STAU2: variants seen among roughly 807,000 people sequenced by gnomAD.
STAU2 encodes the protein staufen double-stranded RNA binding protein 2, also known as double-stranded RNA-binding protein Staufen homolog 2.
A neutral mutation model predicts 65.9 loss-of-function variants in STAU2; 20 were observed. The observed-to-expected ratio is 0.30, with a 90% CI of 0.21 to 0.44. The LOEUF (loss-of-function observed/expected upper bound fraction) is 0.44. Among genes scored for constraint, STAU2 ranks in the 20% least tolerant of loss-of-function variants. STAU2 has a pLI of 1.00. For missense variants in STAU2, 558 were observed against 683.9 expected, an observed-to-expected ratio of 0.82 and a Z score of 2.05; for synonymous variants, 232 against 233.9, an observed-to-expected ratio of 0.99 and a Z score of 0.07.
chr8:73,506,627 G>C (rs1822083755), intron 13 of STAU2, among the ~76,000 whole-genome samples: 1 of 152,100 alleles, frequency 6.6e-6, no homozygotes, highest in South Asian at 2.1e-4. Flanking sequence ...GACTGATCAG[G>C]GTGGTGGTTG....
chr8:73,517,712 G>A (rs1201291513), intron 13 of STAU2, among the ~76,000 whole-genome samples: 1 of 151,708 alleles, frequency 6.6e-6, no homozygotes, highest in Non-Finnish European at 1.5e-5. Flanking sequence ...CATTAAAATA[G>A]CTGTTATTCA....
chr8:73,500,630 T>G (rs1821692479), intron 13 of STAU2, among the ~76,000 whole-genome samples: 1 of 151,904 alleles, frequency 6.6e-6, no homozygotes, highest in Non-Finnish European at 1.5e-5. Flanking sequence ...CTAGTTATAT[T>G]TTCGATTAGA....
chr8:73,734,103 T>C (rs1414586974), intron 3 of STAU2, among the ~76,000 whole-genome samples: 1 of 151,950 alleles, frequency 6.6e-6, no homozygotes, highest in East Asian at 1.9e-4. Context: ...AAAAGTAACA[T>C]ATATTCACAT....
chr8:73,535,275 T>C (rs1806105265), intron 13 of STAU2, among the ~76,000 whole-genome samples: 2 of 152,174 alleles, frequency 1.3e-5, no homozygotes, highest in African/African-American at 2.4e-5. Context: ...GTTCACGCCA[T>C]TCTCCTGCCT....
chr8:73,695,929 G>A (rs890461608), intron 4 of STAU2, among the ~76,000 whole-genome samples: 33 of 152,132 alleles, frequency 2.2e-4, no homozygotes, highest in Admixed American at 1.8e-3. Context: ...GGACACACCT[G>A]GAACCCAGGG....
chr8:73,466,742 G>C (rs981648199), intron 13 of STAU2, among the ~76,000 whole-genome samples: 2 of 152,172 alleles, frequency 1.3e-5, no homozygotes, highest in Non-Finnish European at 2.9e-5. Flanking sequence ...TTTGTGCTGT[G>C]GATATTTATG....
In STAU2 at chr8:73,442,935, C is replaced by T. The variant is rs77514507; in HGVS notation, c.1531-20233G>A. ...CTAAACTTCATTCTTGATGGTTCAT[C>T]GATTAAGGAAGCAAGATAGAAAGGA... On this transcript the variant is annotated intron_variant, in intron 13 of 14. Transcript: ENST00000524300. Among the ~76,000 whole-genome samples, 217 of 152,168 alleles carry T rather than the reference C, an allele frequency of 1.4e-3. 4 individuals carry two copies. The East Asian group carries it at 0.017, about 12-fold the overall frequency.
At chr8:73,737,839 G>C (rs1461193327) in intron 3 of STAU2, among the ~76,000 whole-genome samples, 1 of 151,606 alleles carries the variant, frequency 6.6e-6, no homozygotes, top group Non-Finnish European at 1.5e-5. Flanking sequence ...AGTATTAAAT[G>C]CTGTAGTTTA....
chr8:73,438,479 C>G (rs1428872125), intron 13 of STAU2, among the ~76,000 whole-genome samples: 1 of 152,216 alleles, frequency 6.6e-6, no homozygotes, highest in Non-Finnish European at 1.5e-5. Flanking sequence ...CGCAAAGCCA[C>G]TCAGATTGGC....
chr8:73,521,722 G>A (rs1823053261), intron 13 of STAU2, among the ~76,000 whole-genome samples: 1 of 152,196 alleles, frequency 6.6e-6, no homozygotes, highest in Non-Finnish European at 1.5e-5. Flanking sequence ...ACTTGATCAT[G>A]AGGAAAAACA....
intron 13 of STAU2, among the ~76,000 whole-genome samples, chr8:73,475,086 G>A (rs770554070): frequency 2.6e-5 from 4 of 152,132 alleles, no homozygotes; most frequent in Non-Finnish European, 5.9e-5. Flanking sequence ...ATGTTGTTGG[G>A]AGACAGAACA....
At chr8:73,521,043 T>C (rs755086858) in intron 13 of STAU2, among the ~76,000 whole-genome samples, 1 of 152,192 alleles carries the variant, frequency 6.6e-6, no homozygotes, top group Non-Finnish European at 1.5e-5. Context: ...AAAAGCTCTG[T>C]ACATAGTCTA....
At chr8:73,480,583 T>C (rs757330868) in intron 13 of STAU2, among the ~76,000 whole-genome samples, 1 of 152,134 alleles carries the variant, frequency 6.6e-6, no homozygotes, top group African/African-American at 2.4e-5. Context: ...AAAGTGGACA[T>C]GTCAAATTAA....
chr8:73,557,498 A>G (rs936474091), intron 12 of STAU2, among the ~76,000 whole-genome samples: 1 of 152,118 alleles, frequency 6.6e-6, no homozygotes, highest in African/African-American at 2.4e-5. Flanking sequence ...ATATTTAAGG[A>G]CCTTATTTTG....
intron 13 of STAU2, among the ~76,000 whole-genome samples, chr8:73,454,067 AT>A (rs1818939290): frequency 6.6e-6 from 1 of 151,868 alleles, no homozygotes; most frequent in Admixed American, 6.6e-5. Flanking sequence ...ACAAAAAAAA[AT>A]TCAGAATATT....
At position 73,731,178 on chromosome 8, in the gene STAU2, G is replaced by A. The variant is rs146618129; in HGVS notation, c.-18+7106C>T. On this transcript the variant is annotated intron_variant, in intron 3 of 14. Transcript: ENST00000524300. ...CAGGTAGGGCCTGTCAAGCATCTAC[G>A]AAATCAGAACTCAGCAAAAGACTCC... 7.9e-5 allele frequency among the ~76,000 whole-genome samples: 12 copies of A among 152,244 alleles called. No homozygotes were observed. In the East Asian group the frequency reaches 2.1e-3, roughly 27 times the overall value.
At position 73,594,226 on chromosome 8, in the gene STAU2, G is replaced by A. The variant is rs545509904; in HGVS notation, c.1161+940C>T. 3.9e-5 allele frequency among the ~76,000 whole-genome samples: 6 copies of A among 152,238 alleles called. No individual in the cohort carries two copies. In the South Asian group the frequency reaches 8.3e-4, roughly 21 times the overall value. On this transcript the variant is annotated intron_variant, in intron 11 of 14. Transcript: ENST00000524300. ...GTTGACTAGCCAGGTTATAAAAACA[G>A]AATTGAAATCTCTAGCAATAATACA...
intron 13 of STAU2, among the ~76,000 whole-genome samples, chr8:73,436,775 C>T (rs569330320): frequency 6.8e-4 from 103 of 151,850 alleles, no homozygotes; most frequent in African/African-American, 2.2e-3. Flanking sequence ...TCAGTAGAGA[C>T]GGGTTTTCAC....
Position 73,421,388 on chromosome 8 carries a change from G to C in STAU2, c.1697C>G (p.Ser566Ter). The change falls in exon 15 of 15, where the codon TCA becomes TGA. Residue 566 changes from serine to a stop codon, truncating the protein, a stop_gained. Transcript: ENST00000524300. LOFTEE classifies it high-confidence loss of function. ...PGSIAQDCKK[S>*]NSAV ...TGGGAGCTGCTAGACGGCCGAGTTT[G>C]ATTTCTTGCAGTCCTGAGCGATGGA... 2.0e-6 allele frequency: 3 copies of C among 1,537,246 alleles called. No homozygotes were observed. The highest frequency in any genetic ancestry group is 2.6e-6 in the Non-Finnish European group (3 of 1,146,912).
Sources: gnomAD v4.1 joint callset for allele counts (sites outside exome capture counted in the v4.1 genomes callset) on GRCh38, gnomAD v4.1.1 for gene constraint, MANE v1.5 for transcripts, NCBI Gene and HGNC (gene_info 2026-07-23, HGNC 2026-07-21) for gene names.